ARMC2: variants seen among roughly 807,000 people sequenced by gnomAD.
ARMC2 encodes armadillo repeat-containing protein 2.
Under a neutral mutation model 90.3 loss-of-function variants are expected in ARMC2, and 67 were observed. The observed-to-expected ratio is 0.74, with a 90% confidence interval of 0.61 to 0.91. The LOEUF (loss-of-function observed/expected upper bound fraction) is 0.91. Ranked by LOEUF, ARMC2 falls within the 40% of genes least tolerant of loss-of-function variation. The probability of loss-of-function intolerance (pLI) is 0.00; values close to 1 mark genes in which losing one functional copy is unlikely to be tolerated. For synonymous variants in ARMC2, 393 were observed against 393.0 expected (o/e 1.00, Z 0.00); for missense variants, 920 against 1,030.9 (o/e 0.89, Z 1.47).
the ARMC2 span, among the ~76,000 whole-genome samples, chr6:109,017,018 T>G: frequency 2.6e-5 from 4 of 151,986 alleles, no homozygotes; most frequent in African/African-American, 9.7e-5. Context: ...AATGCTATTA[T>G]TTTATATATT....
the ARMC2 span, chr6:108,987,311 C>A: frequency 2.3e-6 from 1 of 437,440 alleles, no homozygotes; most frequent in East Asian, 3.5e-5. Context: ...TGTCAAAAAG[C>A]AAAATACTGT....
chr6:109,049,357 G>C, the ARMC2 span, among the ~76,000 whole-genome samples: 1 of 151,982 alleles, frequency 6.6e-6, no homozygotes, highest in African/African-American at 2.4e-5. Flanking sequence ...AAAGGTAGAA[G>C]AGAGGTTACT....
intron 5 of ARMC2, among the ~76,000 whole-genome samples, chr6:108,881,684 A>G (rs1777599119): frequency 6.6e-6 from 1 of 152,086 alleles, no homozygotes; most frequent in South Asian, 2.1e-4. Flanking sequence ...TCCTGGTTAC[A>G]TGTGAGCCAG....
downstream of ARMC2, among the ~76,000 whole-genome samples, chr6:108,976,316 G>T (rs1032331866): frequency 3.3e-5 from 5 of 152,134 alleles, no homozygotes; most frequent in Non-Finnish European, 7.4e-5. Flanking sequence ...GATTGTTGTA[G>T]ATGTGTGGTG....
At chr6:109,009,770 G>T in the ARMC2 span, among the ~76,000 whole-genome samples, 4 of 152,108 alleles carry the variant, frequency 2.6e-5, no homozygotes, top group Non-Finnish European at 5.9e-5. Context: ...TCTCAGGTAC[G>T]GAATGGGCTC....
chr6:109,008,008 ATTCC>A, the ARMC2 span, among the ~76,000 whole-genome samples: 3 of 152,188 alleles, frequency 2.0e-5, no homozygotes, highest in Non-Finnish European at 4.4e-5. Context: ...CCTATAAAGC[ATTCC>A]TTCCTAAGTT....
At chr6:108,971,008 A>G (rs1186513059) in intron 17 of ARMC2, among the ~76,000 whole-genome samples, 1 of 151,972 alleles carries the variant, frequency 6.6e-6, no homozygotes, top group African/African-American at 2.4e-5. Flanking sequence ...GGATCACCTG[A>G]GGTCAGGAGT....
the ARMC2 span, among the ~76,000 whole-genome samples, chr6:109,034,106 G>A: frequency 1.3e-5 from 2 of 152,128 alleles, no homozygotes; most frequent in African/African-American, 4.8e-5. Context: ...TATTAGTTGT[G>A]GGACCTACCT....
chr6:109,035,549 A>G, the ARMC2 span, among the ~76,000 whole-genome samples: 48 of 117,528 alleles, frequency 4.1e-4, 2 homozygotes, highest in South Asian at 0.011. Context: ...CGGCAGAGGG[A>G]AAAAAAAAAA....
chr6:108,991,635 T>C, the ARMC2 span, among the ~76,000 whole-genome samples: 4 of 152,196 alleles, frequency 2.6e-5, no homozygotes, highest in African/African-American at 9.6e-5. Context: ...AGTCTCCTAA[T>C]TAGTTTTCCT....
the ARMC2 span, among the ~76,000 whole-genome samples, chr6:109,017,248 TTCAA>T: frequency 2.6e-5 from 4 of 152,172 alleles, no homozygotes; most frequent in Non-Finnish European, 5.9e-5. Flanking sequence ...CCATTTAGCA[TTCAA>T]TCATTCATTA....
chr6:108,990,964 C>T, the ARMC2 span: 4 of 695,996 alleles, frequency 5.7e-6, no homozygotes, highest in Non-Finnish European at 9.3e-6. Context: ...CCCTAACTCC[C>T]AGCTTCACTT....
intron 11 of ARMC2, among the ~76,000 whole-genome samples, chr6:108,930,958 T>C (rs1034187371): frequency 6.6e-6 from 1 of 151,202 alleles, no homozygotes; most frequent in Non-Finnish European, 1.5e-5. Flanking sequence ...GCAGGTTTGT[T>C]ACATAGGTAA....
the ARMC2 span, among the ~76,000 whole-genome samples, chr6:109,040,113 A>G: frequency 7.9e-5 from 12 of 152,340 alleles, no homozygotes; most frequent in East Asian, 2.3e-3. Context: ...TAAAAACTTC[A>G]GTCATGAGAT....
the ARMC2 span, chr6:109,009,105 T>C: frequency 2.3e-5 from 18 of 773,604 alleles, no homozygotes; most frequent in East Asian, 6.8e-4. Flanking sequence ...CTCTCCCAGC[T>C]TAGCATTTTC....
At chr6:109,025,779 T>C in the ARMC2 span, among the ~76,000 whole-genome samples, 8 of 151,682 alleles carry the variant, frequency 5.3e-5, no homozygotes, top group African/African-American at 1.9e-4. Flanking sequence ...ATATAGCACA[T>C]ACAGCAAAGA....
the ARMC2 span, among the ~76,000 whole-genome samples, chr6:109,014,545 C>T: frequency 6.6e-6 from 1 of 152,278 alleles, no homozygotes; most frequent in African/African-American, 2.4e-5. Flanking sequence ...CACCTAAGTT[C>T]TTGATTCTGG....
chr6:109,002,382 TA>T, the ARMC2 span: 1 of 1,540,010 alleles, frequency 6.5e-7, no homozygotes. Flanking sequence ...CCTTTGGCAG[TA>T]AACAAAATGA....
At chr6:109,009,137 G>T in the ARMC2 span, 229 of 690,992 alleles carry the variant, frequency 3.3e-4, no homozygotes, top group African/African-American at 3.9e-3. Flanking sequence ...GACTCACGGT[G>T]CGCAGGTCTC....
Sources: gnomAD v4.1 joint callset for allele counts (sites outside exome capture counted in the v4.1 genomes callset) on GRCh38, gnomAD v4.1.1 for gene constraint, MANE v1.5 for transcripts, NCBI Gene and HGNC (gene_info 2026-07-23, HGNC 2026-07-21) for gene names.